The following MYO7B variants were observed in gnomAD, a reference collection of about 807,000 sequenced individuals.
MYO7B encodes the protein myosin VIIB, also known as unconventional myosin-VIIb.
Under a neutral mutation model 259.7 loss-of-function variants are expected in MYO7B, and 212 were observed. The observed-to-expected ratio is 0.82, with a 90% CI of 0.73 to 0.91. MYO7B has a LOEUF of 0.91. Ranked by LOEUF, MYO7B falls within the 40% of genes least tolerant of loss-of-function variation. The pLI, the probability that MYO7B is intolerant of heterozygous loss-of-function variation, is 0.00. For synonymous variants in MYO7B, 1,197 were observed against 1,166.4 expected, an observed-to-expected ratio of 1.03 and a Z score of -0.54; for missense variants, 2,732 against 2,813.5, an observed-to-expected ratio of 0.97 and a Z score of 0.66.
At position 127,623,196 on chromosome 2, in the gene MYO7B, C is replaced by T; in HGVS notation, c.3646-6C>T. ...GGCCAGGGAACTGAATCTCATCTGT[C>T]CCCAGGCTGTCAAGTCCAAGAAGCA... On this transcript the variant is annotated splice_region_variant and splice_polypyrimidine_tract_variant and intron_variant, in intron 28 of 47. Coordinates refer to ENST00000409816, the MANE Select transcript of MYO7B (RefSeq NM_001393586.1). 1 of 1,613,264 alleles carries T rather than the reference C, an allele frequency of 6.2e-7. No homozygotes were observed. Among genetic ancestry groups the T allele is most frequent in the South Asian group, 1.1e-5 (1 of 91,064 alleles).
chr2:127,565,674 T>C (rs1426969482), intron 4 of MYO7B, among the ~76,000 whole-genome samples: 1 of 152,154 alleles, frequency 6.6e-6, no homozygotes, highest in Non-Finnish European at 1.5e-5. Flanking sequence ...TCCTCTGCCC[T>C]CTCCTTCCCA....
At chr2:127,620,212 C>T in intron 26 of MYO7B, 128 bp from the exon 27 acceptor site, 30 of 1,142,980 alleles carry the variant, frequency 2.6e-5, no homozygotes, top group Non-Finnish European at 3.4e-5. Flanking sequence ...GGGCAGGGCC[C>T]CGGCGCTGGA....
intron 30 of MYO7B, 93 bp from the exon 31 acceptor site, chr2:127,625,275 G>C: frequency 7.2e-7 from 1 of 1,383,646 alleles, no homozygotes; most frequent in Non-Finnish European, 9.5e-7. Context: ...CCTGTGATGG[G>C]GCAAGAGCCC....
At chr2:127,630,396 G>A (rs976199039) in intron 35 of MYO7B, among the ~76,000 whole-genome samples, 5 of 152,232 alleles carry the variant, frequency 3.3e-5, no homozygotes, top group African/African-American at 7.2e-5. Flanking sequence ...AGGCATCCCC[G>A]AGGGAGGGAC....
intron 1 of MYO7B, among the ~76,000 whole-genome samples, chr2:127,548,091 C>T (rs930253095): frequency 5.3e-5 from 8 of 152,052 alleles, no homozygotes; most frequent in East Asian, 1.9e-4. Flanking sequence ...TCTAAGTTAC[C>T]GAATGTGTTG....
intron 1 of MYO7B, among the ~76,000 whole-genome samples, chr2:127,536,333 C>T (rs945822457): frequency 2.0e-5 from 3 of 152,258 alleles, no homozygotes; most frequent in Non-Finnish European, 2.9e-5. Flanking sequence ...AAGGTGCCCA[C>T]GGGAAGAAGC....
Position 127,576,541 on chromosome 2 carries a change from G to A in MYO7B, c.736-54G>A, listed in dbSNP as rs754448709. ...GGGCAGAGGCAGTCTGAGGCCCTGAGGCCTCAGGGGAATGGCTCATGAATC... is the reference window on the plus strand; with the variant it reads ...GGGCAGAGGCAGTCTGAGGCCCTGAAGCCTCAGGGGAATGGCTCATGAATC... On this transcript the variant is annotated intron_variant, in intron 7 of 47. Transcript: ENST00000409816. The surrounding 1 kb of genome is among the most constrained non-coding windows in gnomAD (Gnocchi z 4.9). 3.0e-4 allele frequency: 355 copies of A among 1,189,742 alleles called. No individual in the cohort carries two copies. The highest frequency in any genetic ancestry group is 3.8e-4 in the Non-Finnish European group (317 of 836,222). 73.7% of individuals were successfully genotyped at this position (1,189,742 alleles called of 1,614,324 possible).
At chr2:127,550,237 G>A (rs554975848) in intron 1 of MYO7B, among the ~76,000 whole-genome samples, 1 of 152,228 alleles carries the variant, frequency 6.6e-6, no homozygotes, top group East Asian at 1.9e-4. Flanking sequence ...GCAGACAAAA[G>A]TCACCAGCCA....
intron 1 of MYO7B, among the ~76,000 whole-genome samples, chr2:127,557,732 G>A (rs1313664765): frequency 3.9e-5 from 6 of 152,138 alleles, no homozygotes; most frequent in East Asian, 1.9e-4. Context: ...AAACAAAAAC[G>A]TAAAGTGGGG....
chr2:127,545,680 G>A (rs1693202180), intron 1 of MYO7B, among the ~76,000 whole-genome samples: 1 of 152,214 alleles, frequency 6.6e-6, no homozygotes, highest in African/African-American at 2.4e-5. Flanking sequence ...CTAATGCCAA[G>A]GCTCAGTTTT....
chr2:127,550,558 C>CAAAAA (rs11354503), intron 1 of MYO7B, among the ~76,000 whole-genome samples: 2 of 141,530 alleles, frequency 1.4e-5, no homozygotes, highest in African/African-American at 2.6e-5. Flanking sequence ...ACTCTGTCTC[C>CAAAAA]AAAAAAAAAA....
intron 5 of MYO7B, 93 bp from the exon 6 acceptor site, chr2:127,569,696 C>G: frequency 6.8e-7 from 1 of 1,470,084 alleles, no homozygotes; most frequent in Non-Finnish European, 9.2e-7. Context: ...CAGACTGGCT[C>G]AGAAAGCAGG....
chr2:127,602,110 T>C (rs950472464), intron 19 of MYO7B, among the ~76,000 whole-genome samples: 1 of 152,228 alleles, frequency 6.6e-6, no homozygotes, highest in African/African-American at 2.4e-5. Context: ...TATTTAAAAA[T>C]TTTTAAGTAT....
In MYO7B at chr2:127,559,468, G is replaced by C. The variant is rs1677975673; in HGVS notation, c.-23-232G>C. Among the ~76,000 whole-genome samples the C allele has an allele frequency of 6.6e-6, 1 of 152,150 alleles. No homozygotes were observed. Among genetic ancestry groups the C allele is most frequent in the Non-Finnish European group, 1.5e-5 (1 of 68,028 alleles). On this transcript the variant is annotated intron_variant, in intron 1 of 47. Transcript: ENST00000409816. The surrounding 1 kb of genome is among the most constrained non-coding windows in gnomAD (Gnocchi z 4.1). ...ACTCCCTGTATCAAGCCCAGGACTG[G>C]GTATGAAATACGTCTTCAATAAAGG...
rs1205842964 is a variant in MYO7B at position 127,623,309 on chromosome 2, C to T, written c.3753C>T (p.His1251=). The part of the protein sequence containing the change: ...SASTSREMCM[H]IAHKQGLSDH... The stretch of plus-strand genomic sequence containing the variant: ...CCACATCTCGGGAAATGTGCATGCA[C>T]ATCGCTCACAAGCAGGGCCTCAGCG... Residue 1251 remains histidine (H), a synonymous_variant, in exon 29 of 48, where the codon CAC becomes CAT. Coordinates refer to ENST00000409816, the MANE Select transcript of MYO7B (RefSeq NM_001393586.1). 1 of 1,612,990 alleles carries T rather than the reference C, an allele frequency of 6.2e-7. No individual in the cohort carries two copies. Among genetic ancestry groups the T allele is most frequent in the Admixed American group, 1.7e-5 (1 of 59,938 alleles).
At position 127,614,291 on chromosome 2, in the gene MYO7B, C is replaced by G. The variant is rs1680491728; in HGVS notation, c.3398+1688C>G. Among the ~76,000 whole-genome samples the G allele has an allele frequency of 6.6e-6, 1 of 152,150 alleles. No individual in the cohort carries two copies. Among genetic ancestry groups the G allele is most frequent in the Non-Finnish European group, 1.5e-5 (1 of 68,032 alleles). On this transcript the variant is annotated intron_variant, in intron 26 of 47. Transcript: ENST00000409816. The surrounding 1 kb of genome is among the most constrained non-coding windows in gnomAD (Gnocchi z 4.6). The stretch of plus-strand genomic sequence containing the variant: ...TAGGCTGAAGTGGAACATCCCACAG[C>G]CTCTTACTGCTGGGGTCTTCTAGAA...
rs999242477 is a variant in MYO7B, at chr2:127,584,998, C to T, written c.1690+85C>T. 2 of 1,548,180 alleles carry T rather than the reference C, an allele frequency of 1.3e-6. No homozygotes were observed. Among genetic ancestry groups the T allele is most frequent in the Non-Finnish European group, 1.8e-6 (2 of 1,136,178 alleles). On this transcript the variant is annotated intron_variant, in intron 14 of 47. Coordinates refer to ENST00000409816, the MANE Select transcript of MYO7B (RefSeq NM_001393586.1). This position sits in a 1 kb window ranked among gnomAD's most constrained non-coding sequence, Gnocchi z 5.8. ...TGGAAAGCAGGCTCAGAGGATGAGG[C>T]TATTTTGCAGCTCTAGCAATGGGGC...
chr2:127,596,257 G>A (rs1480938229), intron 18 of MYO7B, among the ~76,000 whole-genome samples: 1 of 152,194 alleles, frequency 6.6e-6, no homozygotes, highest in Admixed American at 6.5e-5. Flanking sequence ...GAGCTAATGT[G>A]GGAAGTTCTT....
At chr2:127,558,719 G>C (rs1377006386) in intron 1 of MYO7B, among the ~76,000 whole-genome samples, 1 of 152,280 alleles carries the variant, frequency 6.6e-6, no homozygotes, top group South Asian at 2.1e-4. Flanking sequence ...CCATAAAAAG[G>C]AATGAATTAA....
Sources: allele counts gnomAD v4.1 joint callset (sites outside exome capture counted in the v4.1 genomes callset), GRCh38; gene constraint gnomAD v4.1.1; non-coding constraint Gnocchi (gnomAD v3.1); transcripts MANE v1.5; gene names NCBI Gene and HGNC (gene_info 2026-07-23, HGNC 2026-07-21).